MIR2052HG: variants seen among roughly 807,000 people sequenced by gnomAD.
MIR2052HG encodes MIR2052 host gene.
At chr8:74,716,084 T>A (rs549454636) in intron 4 of MIR2052HG, among the ~76,000 whole-genome samples, 1 of 152,270 alleles carries the variant, frequency 6.6e-6, no homozygotes, top group East Asian at 1.9e-4. Context: ...GAGACTAGGT[T>A]ATTAAGTTGA....
chr8:74,599,828 C>A (rs993527700), exon 1 of MIR2052HG: 2 of 157,902 alleles, frequency 1.3e-5, no homozygotes. Flanking sequence ...CCCCCCGCCT[C>A]GCTGCCGCCT....
chr8:74,709,959 C>A (rs1165402605), intron 4 of MIR2052HG, among the ~76,000 whole-genome samples: 1 of 152,078 alleles, frequency 6.6e-6, no homozygotes, highest in African/African-American at 2.4e-5. Flanking sequence ...AAAATTTCTG[C>A]AATATGCATC....
At chr8:74,684,565 A>G (rs1481594647) in intron 2 of MIR2052HG, among the ~76,000 whole-genome samples, 1 of 152,056 alleles carries the variant, frequency 6.6e-6, no homozygotes, top group East Asian at 1.9e-4. Context: ...CAATAATCGA[A>G]TCCACCAAAA....
intron 5 of MIR2052HG, among the ~76,000 whole-genome samples, chr8:74,752,699 G>A (rs1429952036): frequency 6.6e-6 from 1 of 152,166 alleles, no homozygotes; most frequent in Non-Finnish European, 1.5e-5. Flanking sequence ...TAGATTGCTA[G>A]TAAATAAGCC....
At chr8:74,726,914 AT>A (rs986620603) in intron 4 of MIR2052HG, among the ~76,000 whole-genome samples, 5 of 152,188 alleles carry the variant, frequency 3.3e-5, no homozygotes, top group African/African-American at 7.2e-5. Context: ...TCATATTTTT[AT>A]TAGTTTTTGG....
chr8:74,694,646 T>A (rs577259272), intron 2 of MIR2052HG, among the ~76,000 whole-genome samples: 1 of 151,980 alleles, frequency 6.6e-6, no homozygotes, highest in South Asian at 2.1e-4. Flanking sequence ...TAAATAAAAA[T>A]CAAACACAAC....
In MIR2052HG at chr8:74,705,135, A is replaced by G. The variant is rs138223624; in HGVS notation, n.371+1453A>G. On this transcript the variant is annotated intron_variant and non_coding_transcript_variant, in intron 4 of 6. Transcript: ENST00000523442. ...CTTTTGCATCAGAGTTTGATTGACT[A>G]CTGTTAATGTCTGTCTCAATTTTGA... is the stretch of plus-strand genomic sequence containing the variant. 1.3e-4 allele frequency among the ~76,000 whole-genome samples: 19 copies of G among 151,902 alleles called. No homozygotes were observed. In the East Asian group the frequency reaches 3.7e-3, roughly 30 times the overall value.
chr8:74,696,192 T>A (rs1809294317), intron 2 of MIR2052HG, among the ~76,000 whole-genome samples: 1 of 152,062 alleles, frequency 6.6e-6, no homozygotes, highest in Non-Finnish European at 1.5e-5. Context: ...TGCAAATACA[T>A]GAAAATTAAA....
intron 1 of MIR2052HG, among the ~76,000 whole-genome samples, chr8:74,604,508 C>T (rs1210223720): frequency 2.5e-4 from 1 of 4,032 alleles, no homozygotes; most frequent in African/African-American, 1.0e-3. Flanking sequence ...GTGGGGGTGC[C>T]GTGGAGGGCG....
intron 2 of MIR2052HG, among the ~76,000 whole-genome samples, chr8:74,679,969 G>T (rs1367656171): frequency 6.6e-6 from 1 of 151,944 alleles, no homozygotes; most frequent in Admixed American, 6.6e-5. Flanking sequence ...CAAGACAAGA[G>T]GTAAACGTAA....
intron 2 of MIR2052HG, among the ~76,000 whole-genome samples, chr8:74,656,982 G>A (rs1014710126): frequency 1.3e-5 from 2 of 152,144 alleles, no homozygotes; most frequent in Admixed American, 6.5e-5. Context: ...CATACCTAGA[G>A]GCATAGAACA....
At chr8:74,737,453 T>C (rs1809779327) in intron 4 of MIR2052HG, among the ~76,000 whole-genome samples, 1 of 152,164 alleles carries the variant, frequency 6.6e-6, no homozygotes, top group African/African-American at 2.4e-5. Flanking sequence ...CTTCATTCTT[T>C]ACTTGCTTTG....
intron 2 of MIR2052HG, among the ~76,000 whole-genome samples, chr8:74,674,529 A>G (rs1000476798): frequency 1.3e-5 from 2 of 152,016 alleles, no homozygotes; most frequent in African/African-American, 4.8e-5. Context: ...TCCTAATCAG[A>G]TGACTTCATT....
intron 2 of MIR2052HG, among the ~76,000 whole-genome samples, chr8:74,632,779 A>T (rs1274575104): frequency 6.6e-6 from 1 of 152,124 alleles, no homozygotes; most frequent in Non-Finnish European, 1.5e-5. Flanking sequence ...AATATTATAC[A>T]TGGCTCTTTT....
intron 2 of MIR2052HG, among the ~76,000 whole-genome samples, chr8:74,684,509 A>G (rs1809159555): frequency 6.6e-6 from 1 of 152,104 alleles, no homozygotes; most frequent in Non-Finnish European, 1.5e-5. Flanking sequence ...TTCTTTTCCC[A>G]TTCTAACACA....
intron 2 of MIR2052HG, among the ~76,000 whole-genome samples, chr8:74,688,686 T>C (rs1020704667): frequency 6.6e-6 from 1 of 152,188 alleles, no homozygotes; most frequent in African/African-American, 2.4e-5. Flanking sequence ...CCATAGGTTT[T>C]TGGGGAACAG....
chr8:74,616,195 T>C (rs1808279424), intron 2 of MIR2052HG, among the ~76,000 whole-genome samples: 1 of 151,888 alleles, frequency 6.6e-6, no homozygotes, highest in Non-Finnish European at 1.5e-5. Context: ...CACACTGTCT[T>C]CCATAATGGT....
In MIR2052HG at chr8:74,708,827, A is replaced by T. The variant is rs968587747; in HGVS notation, n.371+5145A>T. On this transcript the variant is annotated intron_variant and non_coding_transcript_variant, in intron 4 of 6. Transcript: ENST00000523442. Reference sequence around the variant, plus strand: ...ATTTAAATATTTTAAAATTAAAATTAAAAATTTAAATAAAATTTTAAAATC... The same window carrying T: ...ATTTAAATATTTTAAAATTAAAATTTAAAATTTAAATAAAATTTTAAAATC... Among the ~76,000 whole-genome samples the T allele has an allele frequency of 1.1e-4, 17 of 151,368 alleles. No homozygotes were observed. The East Asian group carries it at 2.1e-3, about 19-fold the overall frequency.
chr8:74,600,587 G>GAA (rs748726692), intron 1 of MIR2052HG, among the ~76,000 whole-genome samples: 1 of 137,596 alleles, frequency 7.3e-6, no homozygotes. Flanking sequence ...AAAGAAAAAG[G>GAA]AAAAAAAAAA....
Sources: gnomAD v4.1 joint callset for allele counts (sites outside exome capture counted in the v4.1 genomes callset) on GRCh38, gnomAD v4.1.1 for gene constraint, MANE v1.5 for transcripts, NCBI Gene and HGNC (gene_info 2026-07-23, HGNC 2026-07-21) for gene names.